Variants in STAP2 observed in about 807,000 individuals in gnomAD.
STAP2 encodes signal transducing adaptor family member 2, also known as signal-transducing adaptor protein 2.
STAP2 carries 58 observed loss-of-function variants against 52.7 expected under a neutral mutation model. That is an observed-to-expected ratio of 1.10 (90% CI 0.89 to 1.37). The LOEUF (loss-of-function observed/expected upper bound fraction) is 1.37. Ranked by LOEUF, STAP2 falls within the 40% of genes most tolerant of loss-of-function variation. The pLI, the probability that STAP2 is intolerant of heterozygous loss-of-function variation, is 0.00. For synonymous variants in STAP2, 231 were observed against 210.5 expected (o/e 1.10, Z -0.84); for missense variants, 522 against 519.4 (o/e 1.00, Z -0.05).
In STAP2 at chr19:4,324,580, C is replaced by A. The variant is rs773886230; in HGVS notation, c.1073-51G>T. ...GGTGTGGTGGCTCACGCCGGTAATC[C>A]CAGCACTTTGGGAGGCTGAGGTGGG... On this transcript the variant is annotated intron_variant, in intron 11 of 12. Coordinates refer to ENST00000594605, the MANE Select transcript of STAP2 (RefSeq NM_001013841.2). 3.2e-6 allele frequency: 5 copies of A among 1,547,024 alleles called. No homozygotes were observed. In the South Asian group the frequency reaches 6.0e-5, roughly 18 times the overall value.
intron 4 of STAP2, among the ~76,000 whole-genome samples, chr19:4,330,379 G>C (rs895878090): frequency 2.6e-5 from 4 of 151,784 alleles, no homozygotes; most frequent in African/African-American, 9.7e-5. Context: ...AAAATTAGCC[G>C]GGCGTGGTGG....
Position 4,329,406 on chromosome 19 carries a change from G to C in STAP2, c.455+555C>G, listed in dbSNP as rs1481862004. 2.6e-5 allele frequency among the ~76,000 whole-genome samples: 4 copies of C among 152,100 alleles called. No homozygotes were observed. In the East Asian group the frequency reaches 7.8e-4, roughly 29 times the overall value. On this transcript the variant is annotated intron_variant, in intron 5 of 12. Transcript: ENST00000594605. ...AGGCGCGAGCCACCGCGGCCAGCCA[G>C]GCTCTTAATTCTGGCCCCGGAGATG...
rs1200562840 is a variant in STAP2, at chr19:4,326,923, C to G, written c.829+19G>C. The G allele has an allele frequency of 3.2e-6, 5 of 1,550,248 alleles. No individual in the cohort carries two copies. Among genetic ancestry groups the G allele is most frequent in the Admixed American group, 2.0e-5 (1 of 50,980 alleles). On this transcript the variant is annotated intron_variant, in intron 9 of 12. Transcript: ENST00000594605. ...GTCCTCGATCCCTCCCACCTCGGCCCGCGGGAAGGGGGCGTCACCTGGGCC... is the reference window on the plus strand; with the variant it reads ...GTCCTCGATCCCTCCCACCTCGGCCGGCGGGAAGGGGGCGTCACCTGGGCC...
chr19:4,333,769 C>T lies in STAP2; in HGVS notation c.222G>A (p.Glu74=). The T allele has an allele frequency of 2.5e-6, 4 of 1,613,692 alleles. No homozygotes were observed. The highest frequency in any genetic ancestry group is 2.5e-6 in the Non-Finnish European group (3 of 1,179,994). Residue 74 remains glutamate (E), a synonymous_variant, in exon 3 of 13, where the codon GAG becomes GAA. Transcript: ENST00000594605. ...GGTCACGTGAGCTTCCCCAGGGAATCTCATCTGTGAGTTTCTCAAATGCTC... is the reference window on the plus strand; with the variant it reads ...GGTCACGTGAGCTTCCCCAGGGAATTTCATCTGTGAGTTTCTCAAATGCTC... ...NLGAFEKLTD[E]IPWGSSRDPG...
rs375001946 is a variant in STAP2, at chr19:4,332,014, A to G, written c.354+8T>C. The G allele has an allele frequency of 1.2e-6, 2 of 1,611,928 alleles. No homozygotes were observed. The highest frequency in any genetic ancestry group is 8.5e-7 in the Non-Finnish European group (1 of 1,179,188). ...GGGAGAGAGGGCGCAGAGAGCCACTACTCTTACCTCCACCACCGTTAAGAT... is the reference window on the plus strand; with the variant it reads ...GGGAGAGAGGGCGCAGAGAGCCACTGCTCTTACCTCCACCACCGTTAAGAT... On this transcript the variant is annotated splice_region_variant and intron_variant, in intron 4 of 12. Coordinates refer to ENST00000594605, the MANE Select transcript of STAP2 (RefSeq NM_001013841.2).
chr19:4,325,434 A>C lies in STAP2; in HGVS notation c.941T>G (p.Ile314Ser). 1 of 1,614,002 alleles carries C rather than the reference A, an allele frequency of 6.2e-7. No homozygotes were observed. The highest frequency in any genetic ancestry group is 8.5e-7 in the Non-Finnish European group (1 of 1,180,002). Reference protein sequence around the residue: ...PNQEENYVTPIGDGPAVDYEN... With the variant: ...PNQEENYVTPSGDGPAVDYEN... ...ATAGTCAACAGCTGGGCCATCTCCAATGGGGGTCACGTAGTTCTCTTCCTG... is the reference window on the plus strand; with the variant it reads ...ATAGTCAACAGCTGGGCCATCTCCACTGGGGGTCACGTAGTTCTCTTCCTG... Residue 314 changes from isoleucine (I) to serine (S), a missense_variant, in exon 10 of 13, where the codon ATT becomes AGT. Physicochemically the swap from Ile to Ser is moderately radical, Grantham distance 142. Coordinates refer to ENST00000594605, the MANE Select transcript of STAP2 (RefSeq NM_001013841.2).
intron 1 of STAP2, 62 bp downstream of exon 1, chr19:4,338,585 GACTCA>G: frequency 7.6e-7 from 1 of 1,315,658 alleles, no homozygotes; most frequent in Non-Finnish European, 1.0e-6. Context: ...GGGAGACAGG[GACTCA>G]GAGAGGTGCC....
At chr19:4,324,753 A>G (rs1469517733) in intron 11 of STAP2, 1 of 513,490 alleles carries the variant, frequency 1.9e-6, no homozygotes, top group East Asian at 3.5e-5. Flanking sequence ...AATCACTTGA[A>G]CCCGGCAGAC....
At position 4,324,111 on chromosome 19, in the gene STAP2, G is replaced by A. The variant is rs372745754; in HGVS notation, c.*22C>T. 568 of 1,550,818 alleles carry A rather than the reference G, an allele frequency of 3.7e-4. 1 individual carries two copies. The highest frequency in any genetic ancestry group is 7.8e-4 in the Admixed American group (40 of 50,994). The stretch of plus-strand genomic sequence containing the variant: ...CTGGGCCATGCCCTGGGACTAGCCC[G>A]CTGGTCCCTGGTGTGTCCGAATCAG... On this transcript the variant is annotated 3_prime_UTR_variant, in exon 13 of 13. Coordinates refer to ENST00000594605, the MANE Select transcript of STAP2 (RefSeq NM_001013841.2).
At chr19:4,328,274 C>G (rs1971826438) in intron 6 of STAP2, 1 of 159,660 alleles carries the variant, frequency 6.3e-6, no homozygotes, top group Non-Finnish European at 1.3e-5. Context: ...CGCCCCCATG[C>G]TCCCCTGCCT....
chr19:4,325,813 A>G (rs1028596080), intron 9 of STAP2, among the ~76,000 whole-genome samples: 7 of 152,170 alleles, frequency 4.6e-5, no homozygotes, highest in Admixed American at 1.3e-4. Context: ...TCTACTAAAA[A>G]TACAAAAATT....
At chr19:4,325,619 T>C (rs975731704) in intron 9 of STAP2, 74 bp from the exon 10 acceptor site, 4 of 1,477,908 alleles carry the variant, frequency 2.7e-6, no homozygotes, top group African/African-American at 1.4e-5. Context: ...GGGGGGTCTG[T>C]GTGCATGCCT....
In STAP2 at chr19:4,337,266, C is replaced by G. The variant is rs1392576821; in HGVS notation, c.102+1386G>C. ...TTTTTTTTTGAGACGGAGTCTTGCT[C>G]TGTTGCCCAGGCTGGAGTGCAGTGG... is the stretch of plus-strand genomic sequence containing the variant. On this transcript the variant is annotated intron_variant, in intron 1 of 12. Coordinates refer to ENST00000594605, the MANE Select transcript of STAP2 (RefSeq NM_001013841.2). 3.4e-5 allele frequency among the ~76,000 whole-genome samples: 5 copies of G among 146,228 alleles called. No homozygotes were observed. In the South Asian group the frequency reaches 1.1e-3, roughly 33 times the overall value.
chr19:4,330,105 G>A (rs750892501), intron 4 of STAP2, 44 bp from the exon 5 acceptor site: 7 of 1,511,270 alleles, frequency 4.6e-6, no homozygotes, highest in Non-Finnish European at 5.5e-6. Context: ...GGCCAGCCGG[G>A]AATGGACGGC....
chr19:4,336,876 C>A (rs1971988674), intron 1 of STAP2, among the ~76,000 whole-genome samples: 1 of 151,962 alleles, frequency 6.6e-6, no homozygotes, highest in Non-Finnish European at 1.5e-5. Context: ...CTCAGGTGAT[C>A]CGCCTGCCTC....
intron 6 of STAP2, among the ~76,000 whole-genome samples, chr19:4,327,910 G>A (rs1971821113): frequency 1.3e-5 from 2 of 150,856 alleles, no homozygotes; most frequent in African/African-American, 4.9e-5. Flanking sequence ...CGCCTCCATA[G>A]CCCTACTCAA....
chr19:4,325,122 G>A (rs1971765614), intron 11 of STAP2, 94 bp downstream of exon 11: 1 of 1,122,498 alleles, frequency 8.9e-7, no homozygotes, highest in African/African-American at 1.7e-5. Context: ...CTGGGCGACA[G>A]AGTGAGACTG....
intron 3 of STAP2, 33 bp from the exon 4 acceptor site, chr19:4,332,111 C>T (rs1971901443): frequency 6.3e-7 from 1 of 1,584,168 alleles, no homozygotes; most frequent in Non-Finnish European, 8.6e-7. Flanking sequence ...GAATCCAAGT[C>T]AGTGAGCCTC....
At chr19:4,326,919 G>A (rs1346419276) in intron 9 of STAP2, 23 bp downstream of exon 9, 3 of 1,550,622 alleles carry the variant, frequency 1.9e-6, no homozygotes, top group Non-Finnish European at 1.7e-6. Flanking sequence ...CTCCCACCTC[G>A]GCCCGCGGGA....
Sources: allele counts gnomAD v4.1 joint callset (sites outside exome capture counted in the v4.1 genomes callset), GRCh38; gene constraint gnomAD v4.1.1; transcripts MANE v1.5; gene names NCBI Gene and HGNC (gene_info 2026-07-23, HGNC 2026-07-21).